CCDC192: variants seen among roughly 807,000 people sequenced by gnomAD.
The protein encoded by CCDC192 is coiled-coil domain-containing protein 192.
intron 2 of CCDC192, among the ~76,000 whole-genome samples, chr5:127,725,058 C>T (rs1752244128): frequency 1.3e-5 from 2 of 152,070 alleles, no homozygotes; most frequent in African/African-American, 2.4e-5. Context: ...AAAAGTTAAA[C>T]ATAGCAAAAC....
intron 2 of CCDC192, among the ~76,000 whole-genome samples, chr5:127,718,520 C>G (rs1751771562): frequency 1.3e-5 from 2 of 152,054 alleles, no homozygotes; most frequent in Admixed American, 6.6e-5. Flanking sequence ...ATTTTATTCT[C>G]TATGAGGGTG....
At chr5:127,795,982 CAT>C (rs1176649810) in intron 3 of CCDC192, among the ~76,000 whole-genome samples, 8 of 152,118 alleles carry the variant, frequency 5.3e-5, no homozygotes, top group Non-Finnish European at 7.4e-5. Context: ...CAGTTCGTAA[CAT>C]GTGTGTTCCC....
rs185287415 is a variant in CCDC192 at position 127,783,860 on chromosome 5, G to C, written c.223-13243G>C. ...TTAGGATTGTGATACTTTCCTGTTG[G>C]ACAAGGCCTTTTACCATCATATAAT... On this transcript the variant is annotated intron_variant, in intron 3 of 6. Coordinates refer to ENST00000514853, the MANE Select transcript of CCDC192 (RefSeq NM_001317938.2). Among the ~76,000 whole-genome samples the C allele has an allele frequency of 5.3e-5, 8 of 152,228 alleles. No homozygotes were observed. The East Asian group carries it at 9.7e-4, about 18-fold the overall frequency.
intron 5 of CCDC192, among the ~76,000 whole-genome samples, chr5:127,858,076 C>T (rs1279194701): frequency 1.3e-5 from 2 of 152,066 alleles, no homozygotes; most frequent in East Asian, 1.9e-4. Context: ...GGCTGTTGTT[C>T]GTGTAAATGA....
At chr5:127,800,129 T>A (rs1440190812) in intron 5 of CCDC192, among the ~76,000 whole-genome samples, 1 of 151,982 alleles carries the variant, frequency 6.6e-6, no homozygotes, top group Non-Finnish European at 1.5e-5. Context: ...TATGTGCCAT[T>A]TGAGGTATCA....
chr5:127,722,676 TG>T (rs1220679442), intron 2 of CCDC192, among the ~76,000 whole-genome samples: 3 of 152,246 alleles, frequency 2.0e-5, no homozygotes, highest in African/African-American at 7.2e-5. Flanking sequence ...CTTCTCCATA[TG>T]GATATCCAGT....
chr5:127,839,803 T>A (rs1750204367), intron 5 of CCDC192, among the ~76,000 whole-genome samples: 1 of 151,980 alleles, frequency 6.6e-6, no homozygotes, highest in African/African-American at 2.4e-5. Flanking sequence ...GATATATATA[T>A]ATATATGATC....
intron 5 of CCDC192, among the ~76,000 whole-genome samples, chr5:127,858,441 C>CT (rs1751201129): frequency 6.6e-6 from 1 of 152,172 alleles, no homozygotes; most frequent in Non-Finnish European, 1.5e-5. Flanking sequence ...AAAATCTTTC[C>CT]TAACTTCCTT....
At chr5:127,722,474 T>C (rs1305849050) in intron 2 of CCDC192, among the ~76,000 whole-genome samples, 1 of 152,174 alleles carries the variant, frequency 6.6e-6, no homozygotes, top group African/African-American at 2.4e-5. Flanking sequence ...TGTGATCCCA[T>C]TTGTCAATTT....
chr5:127,706,525 G>GAAAAAAA (rs1224118510), intron 1 of CCDC192, among the ~76,000 whole-genome samples: 4 of 60,266 alleles, frequency 6.6e-5, no homozygotes, highest in Non-Finnish European at 9.0e-5. Context: ...CTCCATCTCA[G>GAAAAAAA]AAAAAAAAAA....
intron 6 of CCDC192, among the ~76,000 whole-genome samples, chr5:127,884,342 C>CAAAAAAAAAAAAA (rs778430655): frequency 9.3e-4 from 11 of 11,848 alleles, no homozygotes; most frequent in African/African-American, 1.3e-3. Context: ...GACTCCGTCT[C>CAAAAAAAAAAAAA]AAAAAAAAAA....
rs1753342061 is a variant in CCDC192 at position 127,911,404 on chromosome 5, T to C, written c.536-29778T>C. Among the ~76,000 whole-genome samples the C allele has an allele frequency of 2.0e-5, 3 of 152,310 alleles. 1 individual carries two copies. The South Asian group carries it at 6.2e-4, about 32-fold the overall frequency. On this transcript the variant is annotated intron_variant, in intron 6 of 6. Transcript: ENST00000514853. ...GTTGGTATATAAGTCTCTGTAATCC[T>C]CATGGCTCTGGAGACATTACCAGTT...
chr5:127,745,876 G>T (rs1753710199), intron 2 of CCDC192, among the ~76,000 whole-genome samples: 1 of 152,174 alleles, frequency 6.6e-6, no homozygotes, highest in South Asian at 2.1e-4. Flanking sequence ...CTATCTTTCT[G>T]CCCTTCTGCC....
At chr5:127,858,403 C>T (rs923283066) in intron 5 of CCDC192, among the ~76,000 whole-genome samples, 15 of 152,304 alleles carry the variant, frequency 9.8e-5, no homozygotes, top group Non-Finnish European at 1.0e-4. Context: ...ATTAATGCCT[C>T]TTATCCGTAA....
intron 6 of CCDC192, among the ~76,000 whole-genome samples, chr5:127,919,433 A>T (rs530597497): frequency 3.8e-4 from 48 of 127,210 alleles, no homozygotes; most frequent in African/African-American, 2.0e-3. Flanking sequence ...ATACGAAAAA[A>T]AACTTCCAGA....
intron 6 of CCDC192, among the ~76,000 whole-genome samples, chr5:127,923,471 G>A (rs563759336): frequency 6.6e-5 from 10 of 151,240 alleles, no homozygotes; most frequent in South Asian, 2.1e-4. Context: ...TCCGCCTCCC[G>A]GATTCACGCC....
chr5:127,737,280 C>T (rs987445696), intron 2 of CCDC192, among the ~76,000 whole-genome samples: 1 of 152,008 alleles, frequency 6.6e-6, no homozygotes, highest in Admixed American at 6.6e-5. Context: ...TTTGATTGCA[C>T]TGTGGTCTGA....
intron 5 of CCDC192, among the ~76,000 whole-genome samples, chr5:127,874,969 A>G (rs186222119): frequency 6.6e-6 from 1 of 152,288 alleles, no homozygotes; most frequent in Admixed American, 6.5e-5. Flanking sequence ...ATTCCTGTTC[A>G]TTACTGCTTA....
intron 5 of CCDC192, among the ~76,000 whole-genome samples, chr5:127,832,341 G>A (rs778047793): frequency 2.6e-5 from 4 of 152,166 alleles, no homozygotes; most frequent in Non-Finnish European, 2.9e-5. Context: ...ACTCGGATTC[G>A]GATGAAAATG....
Sources: gnomAD v4.1 joint callset for allele counts (sites outside exome capture counted in the v4.1 genomes callset) on GRCh38, gnomAD v4.1.1 for gene constraint, MANE v1.5 for transcripts, NCBI Gene and HGNC (gene_info 2026-07-23, HGNC 2026-07-21) for gene names.